The following TGFBR2 variants were observed in gnomAD, a reference collection of about 807,000 sequenced individuals.
TGFBR2 encodes TGF-beta receptor type-2.
A neutral mutation model predicts 49.0 loss-of-function variants in TGFBR2; 18 were observed. The observed-to-expected ratio is 0.37, with a 90% CI of 0.25 to 0.54. TGFBR2 has a LOEUF of 0.54. Ranked by LOEUF, TGFBR2 falls within the 20% of genes least tolerant of loss-of-function variation. The probability of loss-of-function intolerance (pLI) is 0.85; values close to 1 mark genes in which losing one functional copy is unlikely to be tolerated. For synonymous variants in TGFBR2, 282 were observed against 275.9 expected, an observed-to-expected ratio of 1.02 and a Z score of -0.22; for missense variants, 525 against 722.6, an observed-to-expected ratio of 0.73 and a Z score of 3.13.
Position 30,691,598 on chromosome 3 carries a change from AGCTCTTCTGGGGCAG to A in TGFBR2, c.*3_*17del. On this transcript the variant is annotated stop_retained_variant and 3_prime_UTR_variant, in exon 7 of 7. Coordinates refer to ENST00000295754, the MANE Select transcript of TGFBR2 (RefSeq NM_003242.6). ...GACGGCTCCCTAAACACTACCAAAT[AGCTCTTCTGGGGCAG>A]GCTGGGCCATGTCCAAAGAGGCTGC... The A allele has an allele frequency of 1.2e-6, 2 of 1,613,970 alleles. No individual in the cohort carries two copies. Among genetic ancestry groups the A allele is most frequent in the East Asian group, 4.5e-5 (2 of 44,850 alleles).
chr3:30,632,227 T>C (rs1322310508), intron 1 of TGFBR2, among the ~76,000 whole-genome samples: 4 of 152,188 alleles, frequency 2.6e-5, no homozygotes, highest in South Asian at 2.1e-4. Context: ...TCTCTGCATG[T>C]CAAACTTACT....
At chr3:30,646,610 C>G (rs1365376760) in intron 2 of TGFBR2, among the ~76,000 whole-genome samples, 1 of 152,166 alleles carries the variant, frequency 6.6e-6, no homozygotes, top group Admixed American at 6.5e-5. Flanking sequence ...TTTTCACAAT[C>G]ATGGTTTCCC....
intron 5 of TGFBR2, among the ~76,000 whole-genome samples, chr3:30,678,546 T>TAA (rs1553630848): frequency 2.0e-5 from 2 of 100,830 alleles, no homozygotes; most frequent in African/African-American, 4.4e-5. Context: ...AGACTGCGTC[T>TAA]AAAAAAAAAA....
intron 5 of TGFBR2, among the ~76,000 whole-genome samples, chr3:30,677,474 C>G (rs1699461639): frequency 6.6e-6 from 1 of 152,204 alleles, no homozygotes; most frequent in African/African-American, 2.4e-5. Context: ...GGTTATTTAT[C>G]CATCCTCACG....
In TGFBR2 at chr3:30,688,476, C is replaced by A. The variant is rs863223852; in HGVS notation, c.1489C>A (p.Arg497=). ...MKDNVLRDRG[R]PEIPSFWLNH... The stretch of plus-strand genomic sequence containing the variant: ...GGACAACGTGTTGAGAGATCGAGGG[C>A]GACCAGAAATTCCCAGCTTCTGGCT... The change falls in exon 6 of 7, where the codon CGA becomes AGA. Residue 497 remains arginine, a synonymous_variant. Coordinates refer to ENST00000295754, the MANE Select transcript of TGFBR2 (RefSeq NM_003242.6). 1.2e-6 allele frequency: 2 copies of A among 1,614,228 alleles called. No homozygotes were observed. The highest frequency in any genetic ancestry group is 4.5e-5 in the East Asian group (2 of 44,884).
chr3:30,647,338 T>C (rs1277840356), intron 2 of TGFBR2, among the ~76,000 whole-genome samples: 2 of 152,232 alleles, frequency 1.3e-5, no homozygotes, highest in African/African-American at 4.8e-5. Flanking sequence ...ACCTGCATTA[T>C]AGTTTAGCTT....
rs561114597 is a variant in TGFBR2, at chr3:30,633,675, G to A, written c.95-11072G>A. ...CTCAGCTCACAGTCAGCTGACTGTT[G>A]TCTTGGGATGGTGTGGGCCCACTGT... On this transcript the variant is annotated intron_variant, in intron 1 of 6. Transcript: ENST00000295754. 1.1e-3 allele frequency among the ~76,000 whole-genome samples: 173 copies of A among 152,274 alleles called. 1 individual carries two copies. The highest frequency in any genetic ancestry group is 4.1e-3 in the African/African-American group (171 of 41,560).
intron 1 of TGFBR2, among the ~76,000 whole-genome samples, chr3:30,613,017 G>A (rs903153608): frequency 6.6e-6 from 1 of 152,000 alleles, no homozygotes; most frequent in Non-Finnish European, 1.5e-5. Flanking sequence ...GGGTTCCCTA[G>A]CATCTGTGTT....
chr3:30,628,611 T>A (rs1351486193), intron 1 of TGFBR2, among the ~76,000 whole-genome samples: 1 of 146,748 alleles, frequency 6.8e-6, no homozygotes, highest in Non-Finnish European at 1.5e-5. Context: ...GGAAACTTAA[T>A]CTGTGTGCCT....
chr3:30,643,446 G>T (rs892206627), intron 1 of TGFBR2, among the ~76,000 whole-genome samples: 12 of 152,222 alleles, frequency 7.9e-5, no homozygotes, highest in African/African-American at 2.7e-4. Flanking sequence ...GGGGAATGGG[G>T]TGTTACACCT....
At chr3:30,690,639 A>G (rs965683681) in intron 6 of TGFBR2, among the ~76,000 whole-genome samples, 8 of 152,204 alleles carry the variant, frequency 5.3e-5, no homozygotes, top group African/African-American at 1.7e-4. Context: ...AAAATAGAAC[A>G]GTGTATATGA....
In TGFBR2 at chr3:30,672,153, A is replaced by G. The variant is rs2125435403; in HGVS notation, c.970A>G (p.Ile324Val). The G allele has an allele frequency of 6.2e-7, 1 of 1,614,126 alleles. No homozygotes were observed. The highest frequency in any genetic ancestry group is 1.1e-5 in the South Asian group (1 of 91,082). ...KTELGKQYWL[I>V]TAFHAKGNLQ... ...GGAGTTGGGGAAACAATACTGGCTGATCACCGCCTTCCACGCCAAGGGCAA... is the reference window on the plus strand; with the variant it reads ...GGAGTTGGGGAAACAATACTGGCTGGTCACCGCCTTCCACGCCAAGGGCAA... Residue 324 changes from isoleucine to valine, a missense_variant, in exon 4 of 7, where the codon ATC (isoleucine) becomes GTC (valine). Ile to Val is a conservative substitution (Grantham distance 29). Transcript: ENST00000295754. This position sits in a 1 kb window ranked among gnomAD's most constrained non-coding sequence, Gnocchi z 4.5.
intron 5 of TGFBR2, 24 bp downstream of exon 5, chr3:30,674,270 T>C (rs1699395173): frequency 2.7e-5 from 43 of 1,613,850 alleles, no homozygotes; most frequent in Non-Finnish European, 3.6e-5. Context: ...AGCATCATTG[T>C]GTAGTGGTAA....
At position 30,676,327 on chromosome 3, in the gene TGFBR2, A is replaced by G. The variant is rs999447237; in HGVS notation, c.1396+2081A>G. On this transcript the variant is annotated intron_variant, in intron 5 of 6. Transcript: ENST00000295754. This position sits in a 1 kb window ranked among gnomAD's most constrained non-coding sequence, Gnocchi z 4.3. ...CAAAGGTACTAGAACTTTCTTATTC[A>G]TCATTTACCCACTAATTTGATGATC... 2.0e-5 allele frequency among the ~76,000 whole-genome samples: 3 copies of G among 152,228 alleles called. No homozygotes were observed. Among genetic ancestry groups the G allele is most frequent in the East Asian group, 1.9e-4 (1 of 5,200 alleles).
At chr3:30,687,468 C>A (rs899651446) in intron 5 of TGFBR2, among the ~76,000 whole-genome samples, 1 of 152,114 alleles carries the variant, frequency 6.6e-6, no homozygotes, top group African/African-American at 2.4e-5. Context: ...GTCAAGATAT[C>A]CTCCTTCAGC....
At chr3:30,662,344 A>G (rs1005835236) in intron 3 of TGFBR2, among the ~76,000 whole-genome samples, 3 of 152,234 alleles carry the variant, frequency 2.0e-5, no homozygotes, top group Admixed American at 2.0e-4. Flanking sequence ...AGAGATTATC[A>G]TACTGGATTA....
chr3:30,615,746 A>AT (rs34864171), intron 1 of TGFBR2, among the ~76,000 whole-genome samples: 82,507 of 151,616 alleles, frequency 0.54, 23,709 homozygotes, highest in East Asian at 0.77. Flanking sequence ...ACTATTTAAA[A>AT]TTTTTTTTCC....
intron 3 of TGFBR2, among the ~76,000 whole-genome samples, chr3:30,652,402 T>C (rs1698909885): frequency 6.6e-6 from 1 of 151,914 alleles, no homozygotes; most frequent in Admixed American, 6.6e-5. Context: ...ACCCAGCTAA[T>C]CTTTGTATTT....
chr3:30,661,241 G>T lies in TGFBR2; in HGVS notation c.455-10397G>T, dbSNP rs577816904. Among the ~76,000 whole-genome samples, 8 of 152,038 alleles carry T rather than the reference G, an allele frequency of 5.3e-5. No individual in the cohort carries two copies. The South Asian group carries it at 1.7e-3, about 32-fold the overall frequency. On this transcript the variant is annotated intron_variant, in intron 3 of 6. Coordinates refer to ENST00000295754, the MANE Select transcript of TGFBR2 (RefSeq NM_003242.6). ...GTAGTCAGAAAACTGCAATAACACA[G>T]AAAAGAAAATGAAAAAAAATCTTGT...
Sources: allele counts gnomAD v4.1 joint callset (sites outside exome capture counted in the v4.1 genomes callset), GRCh38; gene constraint gnomAD v4.1.1; non-coding constraint Gnocchi (gnomAD v3.1); transcripts MANE v1.5; gene names NCBI Gene and HGNC (gene_info 2026-07-23, HGNC 2026-07-21).